Variants in FBXL3 observed in about 807,000 individuals in gnomAD.
The protein encoded by FBXL3 is F-box/LRR-repeat protein 3.
Under a neutral mutation model 37.9 loss-of-function variants are expected in FBXL3, and 14 were observed. That is an observed-to-expected ratio of 0.37 (90% CI 0.24 to 0.58). The LOEUF is 0.58. FBXL3 is among the 20% of genes least tolerant of loss of function. The pLI, the probability that FBXL3 is intolerant of heterozygous loss-of-function variation, is 0.74. For synonymous variants in FBXL3, 194 were observed against 180.1 expected, an observed-to-expected ratio of 1.08 and a Z score of -0.62; for missense variants, 327 against 511.1, an observed-to-expected ratio of 0.64 and a Z score of 3.47.
intron 4 of FBXL3, 25 bp downstream of exon 4, chr13:77,015,384 G>A (rs780346125): frequency 3.4e-6 from 5 of 1,485,172 alleles, no homozygotes; most frequent in South Asian, 1.4e-5. Context: ...TTACTAAAAT[G>A]TGTCTAGCAA....
chr13:77,024,899 T>A (rs2034809772), intron 1 of FBXL3, among the ~76,000 whole-genome samples: 2 of 152,236 alleles, frequency 1.3e-5, no homozygotes, highest in Admixed American at 1.3e-4. Flanking sequence ...AAATATCCTC[T>A]GCACTATCCT....
chr13:77,018,547 A>C, intron 3 of FBXL3, 53 bp downstream of exon 3: 1 of 1,430,152 alleles, frequency 7.0e-7, no homozygotes, highest in African/African-American at 1.4e-5. Context: ...AAAAAAGATT[A>C]GACTTTCACT....
intron 2 of FBXL3, 48 bp downstream of exon 2, chr13:77,021,465 A>C: frequency 7.1e-7 from 1 of 1,408,114 alleles, no homozygotes; most frequent in Non-Finnish European, 9.7e-7. Context: ...TAGGAAACAA[A>C]GCCACTAAAA....
chr13:77,026,117 G>A (rs2034834390), intron 1 of FBXL3: 2 of 931,912 alleles, frequency 2.1e-6, no homozygotes, highest in Non-Finnish European at 2.6e-6. Flanking sequence ...AAAAAATCTG[G>A]GTCACTCAAC....
chr13:77,023,343 AGAGT>A (rs761842478), intron 1 of FBXL3, among the ~76,000 whole-genome samples: 35 of 139,804 alleles, frequency 2.5e-4, no homozygotes, highest in African/African-American at 6.5e-4. Context: ...GGAGAGAGAG[AGAGT>A]GTGTGTGTGT....
At position 77,007,003 on chromosome 13, in the gene FBXL3, G is replaced by T; in HGVS notation, c.*142C>A. 7.0e-7 allele frequency: 1 copy of T among 1,418,648 alleles called. No individual in the cohort carries two copies. Among genetic ancestry groups the T allele is most frequent in the Non-Finnish European group, 9.2e-7 (1 of 1,090,746 alleles). The allele number at this position is 1,418,648 out of a possible 1,614,324, so 87.9% of individuals were successfully genotyped here. A position where few individuals can be genotyped will look rare whatever the true frequency, so the allele number is the denominator to read the frequency against. ...ACCAAAACTCATTCATGGGTCTTCC[G>T]ATAAACAATCTTTACATATACTGAC... On this transcript the variant is annotated 3_prime_UTR_variant, in exon 5 of 5. Transcript: ENST00000355619.
At chr13:77,010,563 T>C (rs1032130435) in intron 4 of FBXL3, 6 of 152,112 alleles carry the variant, frequency 3.9e-5, no homozygotes, top group African/African-American at 1.4e-4. Flanking sequence ...AGATTCAAAA[T>C]GCAAAGGGGA....
chr13:77,026,450 G>A (rs999266115), intron 1 of FBXL3: 3 of 834,858 alleles, frequency 3.6e-6, no homozygotes, highest in African/African-American at 3.7e-5. Context: ...CGTAGCCGAC[G>A]CCGGGAGAGC....
intron 1 of FBXL3, among the ~76,000 whole-genome samples, chr13:77,024,625 T>C (rs2034805616): frequency 6.6e-6 from 1 of 152,238 alleles, no homozygotes. Context: ...ATTATAGTAC[T>C]GTTTTAAATA....
chr13:77,014,664 T>A (rs562531422), intron 4 of FBXL3: 16 of 152,316 alleles, frequency 1.1e-4, no homozygotes, highest in Non-Finnish European at 1.9e-4. Flanking sequence ...GATCAAAGAT[T>A]TGTCACTATA....
In FBXL3 at chr13:77,007,234, C is replaced by G. The variant is rs752940172; in HGVS notation, c.1198G>C (p.Asp400His). 1 of 1,614,078 alleles carries G rather than the reference C, an allele frequency of 6.2e-7. No individual in the cohort carries two copies. Among genetic ancestry groups the G allele is most frequent in the Admixed American group, 1.7e-5 (1 of 60,022 alleles). ...LSIMEEVLIP[D>H]QKYSLEQIHW... is the part of the protein sequence containing the mutation. Reference sequence around the variant, plus strand: ...ATCTGCTCCAAACTATACTTTTGGTCAGGAATTAGTACTTCTTCCATAATG... The same window carrying G: ...ATCTGCTCCAAACTATACTTTTGGTGAGGAATTAGTACTTCTTCCATAATG... Residue 400 changes from aspartate (D) to histidine (H), a missense_variant, in exon 5 of 5, where the codon GAC (aspartate) becomes CAC (histidine). Transcript: ENST00000355619.
intron 2 of FBXL3, among the ~76,000 whole-genome samples, chr13:77,021,013 T>C (rs116648017): frequency 0.01 from 1,583 of 152,332 alleles, 32 homozygotes; most frequent in African/African-American, 0.037. Flanking sequence ...ACAGTTCCCT[T>C]TGGCATTCTC....
chr13:77,021,078 A>AAG (rs2034734482), intron 2 of FBXL3, among the ~76,000 whole-genome samples: 1 of 152,172 alleles, frequency 6.6e-6, no homozygotes, highest in Non-Finnish European at 1.5e-5. Context: ...TCTTCTACAT[A>AAG]AAGTTTCTAT....
chr13:77,014,270 T>G (rs570011100), intron 4 of FBXL3: 17 of 152,232 alleles, frequency 1.1e-4, no homozygotes, highest in Admixed American at 3.3e-4. Flanking sequence ...AAGCTCCACG[T>G]GAGTGACCAG....
rs2034476533 is a variant in FBXL3, at chr13:77,007,727, T to C, written c.705A>G (p.Leu235=). The C allele has an allele frequency of 6.2e-7, 1 of 1,613,826 alleles. No homozygotes were observed. Among genetic ancestry groups the C allele is most frequent in the Admixed American group, 1.7e-5 (1 of 60,004 alleles). The change falls in exon 5 of 5, where the codon TTA becomes TTG. Residue 235 remains leucine (L), a synonymous_variant. Coordinates refer to ENST00000355619, the MANE Select transcript of FBXL3 (RefSeq NM_012158.4). ...GLRELALNYH[L]LSDELLLALS... is the part of the protein sequence containing the mutation. ...ATGCAAGTAACAACTCATCACTCAA[T>C]AAGTGGTAGTTCAGGGCTAGTTCTC...
In FBXL3 at chr13:77,018,586, A is replaced by C. The variant is rs753290262; in HGVS notation, c.471+14T>G. On this transcript the variant is annotated intron_variant, in intron 3 of 4. Transcript: ENST00000355619. ...TTTCTCAGTAATAGATAATAAAACA[A>C]AAACAGCAGATACCTTTGGTAAATC... 1.9e-6 allele frequency: 3 copies of C among 1,553,876 alleles called. No homozygotes were observed. Among genetic ancestry groups the C allele is most frequent in the Non-Finnish European group, 2.6e-6 (3 of 1,156,348 alleles).
chr13:77,015,406 T>A lies in FBXL3; in HGVS notation c.643+3A>T. 6.5e-7 allele frequency: 1 copy of A among 1,527,830 alleles called. No homozygotes were observed. Among genetic ancestry groups the A allele is most frequent in the Non-Finnish European group, 8.8e-7 (1 of 1,138,966 alleles). The allele number at this position is 1,527,830 out of a possible 1,614,324, so 94.6% of individuals were successfully genotyped here. A position where few individuals can be genotyped will look rare whatever the true frequency, so the allele number is the denominator to read the frequency against. ...AATGTGTCTAGCAAAAAACACAACA[T>A]ACCTGCTGGAGAGACATGAGGACAG... is the stretch of plus-strand genomic sequence containing the variant. On this transcript the variant is annotated splice_donor_region_variant and intron_variant, in intron 4 of 4. Transcript: ENST00000355619.
At chr13:77,011,344 C>CAAAAA (rs34255078) in intron 4 of FBXL3, among the ~76,000 whole-genome samples, 3,166 of 74,716 alleles carry the variant, frequency 0.042, 161 homozygotes, top group African/African-American at 0.14. Context: ...ACTTTGTCTC[C>CAAAAA]AAAAAAAAAA....
chr13:77,013,457 T>C (rs145884469), intron 4 of FBXL3: 1 of 152,252 alleles, frequency 6.6e-6, no homozygotes, highest in East Asian at 1.9e-4. Context: ...AATAACATGA[T>C]TATTGTAAAA....
Sources: gnomAD v4.1 joint callset for allele counts (sites outside exome capture counted in the v4.1 genomes callset) on GRCh38, gnomAD v4.1.1 for gene constraint, MANE v1.5 for transcripts, NCBI Gene and HGNC (gene_info 2026-07-23, HGNC 2026-07-21) for gene names.